The following SEC14L1 variants were observed in gnomAD, a reference collection of about 807,000 sequenced individuals.
SEC14L1 encodes SEC14-like protein 1.
Under a neutral mutation model 85.3 loss-of-function variants are expected in SEC14L1, and 48 were observed. The ratio of observed to expected loss-of-function variants is 0.56; its 90% CI spans 0.45 to 0.72. SEC14L1 has a LOEUF of 0.72. SEC14L1 is among the 30% of genes least tolerant of loss of function. The pLI, the probability that SEC14L1 is intolerant of heterozygous loss-of-function variation, is 0.00. For synonymous variants in SEC14L1, 391 were observed against 355.5 expected (o/e 1.10, Z -1.12); for missense variants, 682 against 921.4 (o/e 0.74, Z 3.36).
At chr17:77,197,617 A>AT (rs1057390126) in intron 8 of SEC14L1, among the ~76,000 whole-genome samples, 229 of 146,426 alleles carry the variant, frequency 1.6e-3, no homozygotes, top group East Asian at 4.0e-3. Context: ...ATGTTTTTGA[A>AT]TTTTTTTTTT....
chr17:77,139,370 C>G (rs1972898189), upstream of SEC14L1, among the ~76,000 whole-genome samples: 1 of 152,050 alleles, frequency 6.6e-6, no homozygotes. Flanking sequence ...CGAGGTCTCA[C>G]CGTGTTGACC....
intron 3 of SEC14L1, among the ~76,000 whole-genome samples, chr17:77,146,112 A>G (rs1369587849): frequency 6.6e-6 from 1 of 152,180 alleles, no homozygotes; most frequent in Non-Finnish European, 1.5e-5. Flanking sequence ...GATATTGGCT[A>G]GCCTGTGGAT....
chr17:77,143,013 G>A (rs768157130), intron 2 of SEC14L1, among the ~76,000 whole-genome samples: 16 of 152,236 alleles, frequency 1.1e-4, no homozygotes, highest in Non-Finnish European at 1.6e-4. Context: ...GGTCGCCAAA[G>A]CTGTAGTGTA....
chr17:77,122,910 CACACAGCATCCAGACAGAG>C (rs1357911194), intron 3 of SEC14L1, among the ~76,000 whole-genome samples: 9 of 141,014 alleles, frequency 6.4e-5, no homozygotes, highest in Middle Eastern at 6.9e-3. Context: ...GCCTGAGAAT[CACACAGCATCCAGACAGAG>C]AATCACACAG....
At chr17:77,146,775 T>C (rs1219635059) in intron 3 of SEC14L1, among the ~76,000 whole-genome samples, 1 of 152,184 alleles carries the variant, frequency 6.6e-6, no homozygotes, top group African/African-American at 2.4e-5. Context: ...GAAAACATTT[T>C]TAAATCCGAA....
chr17:77,179,627 T>G (rs1974920629), intron 3 of SEC14L1, among the ~76,000 whole-genome samples: 1 of 152,140 alleles, frequency 6.6e-6, no homozygotes, highest in Non-Finnish European at 1.5e-5. Flanking sequence ...AATTTAAGCT[T>G]TATATGTGTT....
intron 3 of SEC14L1, among the ~76,000 whole-genome samples, chr17:77,158,595 C>G (rs1973909868): frequency 6.6e-6 from 1 of 151,806 alleles, no homozygotes; most frequent in South Asian, 2.1e-4. Context: ...CATGTTGTAG[C>G]ATGTGCAGAA....
Position 77,200,578 on chromosome 17 carries a change from GA to G in SEC14L1, c.917del (p.Lys306SerfsTer5). 6.2e-7 allele frequency: 1 copy of G among 1,614,156 alleles called. No individual in the cohort carries two copies. The highest frequency in any genetic ancestry group is 8.5e-7 in the Non-Finnish European group (1 of 1,180,000). ...ATCATGTGTCAGTCTTTGACGTGGA[GA>G]AAGCAGCATCAGGTAGACTACATTC... ...REIMCQSLTWRKQHQVDYILE... is the reference protein window; with the variant it reads ...REIMCQSLTWXKQHQVDYILE... On this transcript the variant is annotated frameshift_variant, in exon 9 of 17. Transcript: ENST00000436233. LOFTEE classifies it high-confidence loss of function.
chr17:77,203,525 C>T, intron 9 of SEC14L1, 45 bp from the exon 10 acceptor site: 2 of 1,534,922 alleles, frequency 1.3e-6, no homozygotes, highest in Non-Finnish European at 1.8e-6. Context: ...TCCTCAGTTT[C>T]AACTGGGATG....
At chr17:77,203,446 CAGAA>C (rs977017921) in intron 9 of SEC14L1, 120 bp from the exon 10 acceptor site, 2 of 758,794 alleles carry the variant, frequency 2.6e-6, no homozygotes, top group Admixed American at 2.9e-5. Context: ...TTCTAAGAAT[CAGAA>C]AGACTTTTAA....
chr17:77,154,851 A>G (rs1973737230), intron 3 of SEC14L1, among the ~76,000 whole-genome samples: 1 of 152,124 alleles, frequency 6.6e-6, no homozygotes, highest in Non-Finnish European at 1.5e-5. Context: ...ATTTCAGTAG[A>G]TGGCTGCGTC....
chr17:77,209,468 C>T lies in SEC14L1; in HGVS notation c.1603C>T (p.Pro535Ser). 1.9e-6 allele frequency: 3 copies of T among 1,614,022 alleles called. No homozygotes were observed. The highest frequency in any genetic ancestry group is 2.5e-6 in the Non-Finnish European group (3 of 1,180,016). Reference protein sequence around the residue: ...YQSASVFKGAPHEILIQIVDA... With the variant: ...YQSASVFKGASHEILIQIVDA... ...GTCTGCAAGCGTCTTCAAAGGAGCC[C>T]CACATGAGGTACGTCCTCCGCCTTC... Residue 535 changes from proline (P) to serine (S), a missense_variant, in exon 14 of 17, where the codon CCA (proline) becomes TCA (serine). Pro to Ser is a moderately conservative substitution (Grantham distance 74). Around this residue, in one of 3 missense-constraint regions of SEC14L1, gnomAD observed 420 missense variants for 619.5 expected, o/e 0.68. Coordinates refer to ENST00000436233, the MANE Select transcript of SEC14L1 (RefSeq NM_001143998.2).
chr17:77,198,421 G>T (rs4789418), intron 8 of SEC14L1, among the ~76,000 whole-genome samples: 1 of 152,038 alleles, frequency 6.6e-6, no homozygotes, highest in Non-Finnish European at 1.5e-5. Context: ...ATCTTTAGAA[G>T]GGGAAAGCAG....
At position 77,206,714 on chromosome 17, in the gene SEC14L1, T is replaced by C; in HGVS notation, c.1342-14T>C. 3.8e-6 allele frequency: 6 copies of C among 1,588,720 alleles called. No homozygotes were observed. Among genetic ancestry groups the C allele is most frequent in the Non-Finnish European group, 5.1e-6 (6 of 1,170,292 alleles). Reference sequence around the variant, plus strand: ...GCAGAGAAATATGACTGCATGGTCTTCTCCTCCTCACAGGTTAGTCCGTTC... The same window carrying C: ...GCAGAGAAATATGACTGCATGGTCTCCTCCTCCTCACAGGTTAGTCCGTTC... On this transcript the variant is annotated splice_polypyrimidine_tract_variant and intron_variant, in intron 12 of 16. Transcript: ENST00000436233. The surrounding 1 kb of genome is among the most constrained non-coding windows in gnomAD (Gnocchi z 4.3).
intron 3 of SEC14L1, among the ~76,000 whole-genome samples, chr17:77,124,590 C>T (rs1327960751): frequency 5.3e-5 from 8 of 152,112 alleles, no homozygotes; most frequent in Admixed American, 5.2e-4. Context: ...CTGTGAAAAG[C>T]GCTAAGCTTT....
chr17:77,194,688 C>A lies in SEC14L1; in HGVS notation c.486C>A (p.Ile162=), dbSNP rs771643681. ...YTSNIKKGKE[I]IEYYLRQLEE... is the part of the protein sequence containing the mutation. ...GTTTTGTTTTAAAGGGAAAGGAAAT[C>A]ATCGAATACTACCTTCGCCAATTAG... Residue 162 remains isoleucine, a synonymous_variant, in exon 7 of 17, where the codon ATC becomes ATA. Coordinates refer to ENST00000436233, the MANE Select transcript of SEC14L1 (RefSeq NM_001143998.2). The A allele has an allele frequency of 1.9e-6, 3 of 1,613,492 alleles. No homozygotes were observed. Among genetic ancestry groups the A allele is most frequent in the Non-Finnish European group, 1.7e-6 (2 of 1,179,564 alleles).
chr17:77,198,109 T>G (rs1210646239), intron 8 of SEC14L1, among the ~76,000 whole-genome samples: 2 of 152,242 alleles, frequency 1.3e-5, no homozygotes, highest in Non-Finnish European at 2.9e-5. Flanking sequence ...AAAATGCCTT[T>G]TAATAAATAA....
chr17:77,206,885 G>A lies in SEC14L1; in HGVS notation c.1476+23G>A. 6.6e-7 allele frequency: 1 copy of A among 1,508,004 alleles called. No homozygotes were observed. Among genetic ancestry groups the A allele is most frequent in the Non-Finnish European group, 8.9e-7 (1 of 1,127,722 alleles). 93.4% of individuals were successfully genotyped at this position (1,508,004 alleles called of 1,614,324 possible). A position where few individuals can be genotyped will look rare whatever the true frequency, so the allele number is the denominator to read the frequency against. ...ATGGTATGTCCTGAGGCGAGGAACT[G>A]CACATTTGGCCCCTTATGCAGGTGG... is the stretch of plus-strand genomic sequence containing the variant. On this transcript the variant is annotated intron_variant, in intron 13 of 16. Transcript: ENST00000436233. The surrounding 1 kb of genome is among the most constrained non-coding windows in gnomAD (Gnocchi z 4.3).
At position 77,200,627 on chromosome 17, in the gene SEC14L1, G is replaced by C; in HGVS notation, c.963G>C (p.Gln321His). ...DYILETWTPP[Q>H]VLQDYYAGGW... is the part of the protein sequence containing the mutation. ...TTCTTGAAACCTGGACCCCTCCTCA[G>C]GTCCTTCAGGATTACTACGCGGGAG... is the stretch of plus-strand genomic sequence containing the variant. Residue 321 changes from glutamine to histidine, a missense_variant, in exon 9 of 17, where the codon CAG (glutamine) becomes CAC (histidine). This residue lies in a region of SEC14L1 where 420 missense variants were observed against 619.5 expected (regional missense o/e 0.68). Coordinates refer to ENST00000436233, the MANE Select transcript of SEC14L1 (RefSeq NM_001143998.2). The C allele has an allele frequency of 1.9e-6, 3 of 1,614,068 alleles. No individual in the cohort carries two copies. Among genetic ancestry groups the C allele is most frequent in the Non-Finnish European group, 1.7e-6 (2 of 1,180,010 alleles).
Sources: allele counts gnomAD v4.1 joint callset (sites outside exome capture counted in the v4.1 genomes callset), GRCh38; gene constraint gnomAD v4.1.1; regional missense constraint gnomAD v4.1.1; non-coding constraint Gnocchi (gnomAD v3.1); transcripts MANE v1.5; gene names NCBI Gene and HGNC (gene_info 2026-07-23, HGNC 2026-07-21).